Variants in CASP6 observed in about 807,000 individuals in gnomAD.
CASP6 encodes the protein caspase 6.
Under a neutral mutation model 31.8 loss-of-function variants are expected in CASP6, and 20 were observed. That is an observed-to-expected ratio of 0.63 (90% CI 0.44 to 0.91). CASP6 has a LOEUF of 0.91. Ranked by LOEUF, CASP6 falls within the 40% of genes least tolerant of loss-of-function variation. The pLI, the probability that CASP6 is intolerant of heterozygous loss-of-function variation, is 0.00. For missense variants in CASP6, 328 were observed against 361.1 expected (o/e 0.91, Z 0.74); for synonymous variants, 130 against 127.8 (o/e 1.02, Z -0.12).
downstream of CASP6, among the ~76,000 whole-genome samples, chr4:109,686,470 A>G (rs1422794692): frequency 1.3e-5 from 2 of 152,210 alleles, no homozygotes; most frequent in Non-Finnish European, 2.9e-5. Context: ...TTTATTTCAT[A>G]TAGTCATTCT....
the CASP6 span, among the ~76,000 whole-genome samples, chr4:109,676,326 G>T: frequency 6.6e-6 from 1 of 152,150 alleles, no homozygotes; most frequent in Non-Finnish European, 1.5e-5. Context: ...ATCACTTGAG[G>T]TCAGGAGTTT....
rs5030595 is a variant in CASP6, at chr4:109,689,987, C to G, written c.644-419G>C. 3.0e-4 allele frequency among the ~76,000 whole-genome samples: 45 copies of G among 151,572 alleles called. No individual in the cohort carries two copies. The South Asian group carries it at 9.2e-3, about 31-fold the overall frequency. On this transcript the variant is annotated intron_variant, in intron 6 of 6. Coordinates refer to ENST00000265164, the MANE Select transcript of CASP6 (RefSeq NM_001226.4). ...ATCACTTGAGGTCAGGAGTTCGAGA[C>G]CAGCCTGGCCAACATGGTGAAACCC...
chr4:109,700,971 C>T (rs5030535), intron 1 of CASP6, among the ~76,000 whole-genome samples: 103,748 of 152,158 alleles, frequency 0.68, 36,262 homozygotes, highest in African/African-American at 0.85. Flanking sequence ...TTATTACTAT[C>T]TTTTTGGGAT....
the CASP6 span, among the ~76,000 whole-genome samples, chr4:109,665,464 A>C: frequency 6.6e-6 from 1 of 152,298 alleles, no homozygotes; most frequent in South Asian, 2.1e-4. Flanking sequence ...ATTAAGAATT[A>C]TACAGAATAG....
chr4:109,707,179 C>A (rs554718485), upstream of CASP6, among the ~76,000 whole-genome samples: 6 of 152,276 alleles, frequency 3.9e-5, no homozygotes, highest in South Asian at 1.2e-3. Context: ...CACTGGGAAA[C>A]CAGAAAATTT....
the CASP6 span, among the ~76,000 whole-genome samples, chr4:109,666,821 A>C: frequency 6.6e-6 from 1 of 152,104 alleles, no homozygotes; most frequent in African/African-American, 2.4e-5. Flanking sequence ...CAATTTTGTC[A>C]AATCTTTTTC....
chr4:109,668,776 T>C, the CASP6 span, among the ~76,000 whole-genome samples: 1 of 152,054 alleles, frequency 6.6e-6, no homozygotes, highest in East Asian at 1.9e-4. Context: ...GTATATTTCA[T>C]TTTCTCTCCT....
chr4:109,693,742 A>ATT (rs1181800373), intron 5 of CASP6, among the ~76,000 whole-genome samples: 3 of 139,576 alleles, frequency 2.1e-5, no homozygotes, highest in African/African-American at 5.4e-5. Flanking sequence ...AAAAAAAAAA[A>ATT]TTTTTTTTTT....
At chr4:109,686,888 A>C (rs1487830634), downstream of CASP6, among the ~76,000 whole-genome samples, 1 of 152,146 alleles carries the variant, frequency 6.6e-6, no homozygotes, top group Non-Finnish European at 1.5e-5. Flanking sequence ...AAAATAAAAA[A>C]ATTTAAATAT....
At chr4:109,703,611 G>GA (rs1322955662), upstream of CASP6, 1 of 593,608 alleles carries the variant, frequency 1.7e-6, no homozygotes, top group Non-Finnish European at 2.9e-6. Flanking sequence ...AGCCCGCGGG[G>GA]ACCAAGAGCG....
At chr4:109,705,997 AAAAAATATATATATATATATATAT>A (rs1468756071), upstream of CASP6, among the ~76,000 whole-genome samples, 2 of 47,442 alleles carry the variant, frequency 4.2e-5, no homozygotes, top group Non-Finnish European at 7.1e-5. Context: ...AAAAAAAAAA[AAAAAATATATATATATATATATAT>A]ATATATATAT....
intron 4 of CASP6, among the ~76,000 whole-genome samples, chr4:109,695,740 CAAA>C (rs762055298): frequency 1.6e-5 from 2 of 127,808 alleles, no homozygotes; most frequent in East Asian, 2.3e-4. Flanking sequence ...GACTCCATCT[CAAA>C]AAAAAAAAAA....
chr4:109,707,389 T>A (rs1730641851), upstream of CASP6, among the ~76,000 whole-genome samples: 1 of 136,596 alleles, frequency 7.3e-6, no homozygotes, highest in Admixed American at 7.1e-5. Flanking sequence ...ACTCCTGGAT[T>A]TTTTTTTTTT....
the CASP6 span, among the ~76,000 whole-genome samples, chr4:109,671,764 T>A: frequency 6.6e-6 from 1 of 152,230 alleles, no homozygotes; most frequent in Non-Finnish European, 1.5e-5. Context: ...GTTGTTGTTT[T>A]TTTCTTTGCC....
the CASP6 span, among the ~76,000 whole-genome samples, chr4:109,670,206 A>AG: frequency 6.6e-6 from 1 of 152,214 alleles, no homozygotes. Context: ...TAAGGGGACT[A>AG]GGTCTCAGTC....
chr4:109,703,467 C>T (rs1235034830), upstream of CASP6: 25 of 1,557,416 alleles, frequency 1.6e-5, no homozygotes, highest in South Asian at 2.4e-4. Flanking sequence ...CCCGGCCCCG[C>T]CCTCGGCCCT....
At chr4:109,706,166 TATATACACACACAC>T (rs1251468164), upstream of CASP6, among the ~76,000 whole-genome samples, 8 of 92,006 alleles carry the variant, frequency 8.7e-5, no homozygotes, top group African/African-American at 4.8e-4. Context: ...TATATATATA[TATATACACACACAC>T]ATATACACAC....
rs5030543 is a variant in CASP6 at position 109,699,851 on chromosome 4, G to A, written c.41-1509C>T. Among the ~76,000 whole-genome samples, 1,356 of 152,262 alleles carry A rather than the reference G, an allele frequency of 8.9e-3. 52 individuals carry two copies. Among genetic ancestry groups the A allele is most frequent in the East Asian group, 0.085 (439 of 5,186 alleles). On this transcript the variant is annotated intron_variant, in intron 1 of 6. Coordinates refer to ENST00000265164, the MANE Select transcript of CASP6 (RefSeq NM_001226.4). ...ACTCTTCCCATTTTCAAAAGCTGTC[G>A]GAATCTACTGCCTTTTGATAACCTC...
the CASP6 span, among the ~76,000 whole-genome samples, chr4:109,677,184 C>T: frequency 0.039 from 5,893 of 152,274 alleles, 406 homozygotes; most frequent in African/African-American, 0.14. Flanking sequence ...TTTGGACTTA[C>T]GTGGGACCAG....
Sources: allele counts gnomAD v4.1 joint callset (sites outside exome capture counted in the v4.1 genomes callset), GRCh38; gene constraint gnomAD v4.1.1; transcripts MANE v1.5; gene names NCBI Gene and HGNC (gene_info 2026-07-23, HGNC 2026-07-21).